The following NAA11 variants were observed in gnomAD, a reference collection of about 807,000 sequenced individuals.
NAA11 encodes the protein N-alpha-acetyltransferase 11, NatA catalytic subunit.
In NAA11, 15 loss-of-function variants were observed where a neutral mutation model predicts 16.1. The ratio of observed to expected loss-of-function variants is 0.93; its 90% CI spans 0.62 to 1.44. The LOEUF is 1.44. Among genes scored for constraint, NAA11 ranks in the 40% most tolerant of loss-of-function variants. The pLI is 0.00. For missense variants in NAA11, 298 were observed against 291.3 expected, an observed-to-expected ratio of 1.02 and a Z score of -0.17; for synonymous variants, 122 against 112.4, an observed-to-expected ratio of 1.09 and a Z score of -0.54.
rs145318289 is a variant in NAA11, at chr4:79,291,427, T to C, written c.*122+2578A>G. Among the ~76,000 whole-genome samples the C allele has an allele frequency of 3.2e-3, 488 of 152,106 alleles. 3 individuals carry two copies. The highest frequency in any genetic ancestry group is 0.011 in the African/African-American group (447 of 41,468). On this transcript the variant is annotated intron_variant and NMD_transcript_variant, in intron 2 of 2. Coordinates refer to the NAA11 transcript ENST00000511542. ...GAAGTGAACTATGATGGTGCCTGTC[T>C]ACTCCAGCGTGAGCAAAAGAGTGAG...
At chr4:79,285,603 TG>T (rs1722888468) in intron 2 of NAA11, among the ~76,000 whole-genome samples, 1 of 151,996 alleles carries the variant, frequency 6.6e-6, no homozygotes, top group South Asian at 2.1e-4. Context: ...TGAAGTAGAA[TG>T]TTTTATCATA....
the NAA11 span, among the ~76,000 whole-genome samples, chr4:79,162,102 TTTTC>T: frequency 1.9e-4 from 29 of 152,244 alleles, no homozygotes; most frequent in Non-Finnish European, 2.9e-5. Flanking sequence ...AGTGGAATTA[TTTTC>T]TTTATTTTAT....
the NAA11 span, among the ~76,000 whole-genome samples, chr4:79,195,591 CCT>C: frequency 1.3e-5 from 2 of 151,852 alleles, no homozygotes; most frequent in Non-Finnish European, 2.9e-5. Context: ...AAAAAACTGC[CCT>C]CTCTCATTAT....
At chr4:79,186,812 C>G in the NAA11 span, among the ~76,000 whole-genome samples, 24 of 152,136 alleles carry the variant, frequency 1.6e-4, no homozygotes, top group Non-Finnish European at 2.9e-4. Context: ...CTGAAATTAT[C>G]TGGAATGTAC....
the NAA11 span, among the ~76,000 whole-genome samples, chr4:79,178,434 A>G: frequency 6.6e-6 from 1 of 152,236 alleles, no homozygotes; most frequent in Non-Finnish European, 1.5e-5. Context: ...CTAATTTGAT[A>G]CAAGTCCTAG....
At chr4:79,192,696 A>G in the NAA11 span, among the ~76,000 whole-genome samples, 1 of 152,004 alleles carries the variant, frequency 6.6e-6, no homozygotes, top group Non-Finnish European at 1.5e-5. Context: ...ATACGTGTGC[A>G]TGTGTCTTTA....
intron 2 of NAA11, among the ~76,000 whole-genome samples, chr4:79,241,206 A>T (rs546072182): frequency 6.6e-6 from 1 of 152,250 alleles, no homozygotes; most frequent in Non-Finnish European, 1.5e-5. Flanking sequence ...AGACTTCATG[A>T]TTCACTTTCG....
At chr4:79,192,131 G>A in the NAA11 span, among the ~76,000 whole-genome samples, 25 of 152,058 alleles carry the variant, frequency 1.6e-4, no homozygotes, top group Non-Finnish European at 2.9e-4. Context: ...CTCCAGCTTC[G>A]TTCTTTTTGC....
At chr4:79,265,063 C>T (rs750021933) in intron 2 of NAA11, among the ~76,000 whole-genome samples, 96 of 152,124 alleles carry the variant, frequency 6.3e-4, no homozygotes, top group Non-Finnish European at 1.1e-3. Flanking sequence ...TACAATTTTC[C>T]CTATCTCAAT....
chr4:79,272,064 T>C (rs1006013080), intron 2 of NAA11, among the ~76,000 whole-genome samples: 2 of 151,716 alleles, frequency 1.3e-5, no homozygotes, highest in African/African-American at 4.8e-5. Context: ...GATACACACA[T>C]ACATATACAA....
At chr4:79,298,419 C>T (rs1020720156) in intron 1 of NAA11, among the ~76,000 whole-genome samples, 2 of 152,176 alleles carry the variant, frequency 1.3e-5, no homozygotes, top group Admixed American at 6.5e-5. Flanking sequence ...CCTAGGAGTT[C>T]CCCAAGCCAG....
At chr4:79,231,459 C>T (rs1488320736) in intron 2 of NAA11, among the ~76,000 whole-genome samples, 1 of 151,906 alleles carries the variant, frequency 6.6e-6, no homozygotes, top group Non-Finnish European at 1.5e-5. Flanking sequence ...ACAACAAAAT[C>T]CTGTGTCAAT....
downstream of NAA11, among the ~76,000 whole-genome samples, chr4:79,315,161 G>A (rs1228124185): frequency 6.6e-6 from 1 of 151,082 alleles, no homozygotes; most frequent in Non-Finnish European, 1.5e-5. Flanking sequence ...GAACTAGTTA[G>A]AAATGCAGAT....
At chr4:79,176,277 A>G in the NAA11 span, among the ~76,000 whole-genome samples, 4 of 152,218 alleles carry the variant, frequency 2.6e-5, no homozygotes, top group Non-Finnish European at 5.9e-5. Flanking sequence ...GATCTAAAAT[A>G]GAGGTTAATA....
At chr4:79,266,670 C>T (rs374338165) in intron 2 of NAA11, among the ~76,000 whole-genome samples, 5 of 152,166 alleles carry the variant, frequency 3.3e-5, no homozygotes, top group African/African-American at 4.8e-5. Context: ...TTTTATAAAA[C>T]GTATTCTTCC....
chr4:79,184,664 A>C, the NAA11 span, among the ~76,000 whole-genome samples: 1 of 152,292 alleles, frequency 6.6e-6, no homozygotes, highest in East Asian at 1.9e-4. Context: ...GCAGAGTGGA[A>C]TCTTGGAAGA....
chr4:79,225,703 C>A (rs556089692), exon 3 of NAA11: 1 of 152,200 alleles, frequency 6.6e-6, no homozygotes, highest in South Asian at 2.1e-4. Context: ...AAAGGGAAGT[C>A]TTCTTTTCCT....
the NAA11 span, among the ~76,000 whole-genome samples, chr4:79,209,551 C>T: frequency 6.6e-6 from 1 of 152,036 alleles, no homozygotes; most frequent in African/African-American, 2.4e-5. Flanking sequence ...AAGTATTCAG[C>T]TTACTGTTGT....
chr4:79,243,459 G>T (rs1007887313), intron 2 of NAA11, among the ~76,000 whole-genome samples: 38 of 152,140 alleles, frequency 2.5e-4, no homozygotes, highest in Admixed American at 2.4e-3. Flanking sequence ...AAATTATCTC[G>T]TTCATTTTTT....
Sources: gnomAD v4.1 joint callset for allele counts (sites outside exome capture counted in the v4.1 genomes callset) on GRCh38, gnomAD v4.1.1 for gene constraint, MANE v1.5 for transcripts, NCBI Gene and HGNC (gene_info 2026-07-23, HGNC 2026-07-21) for gene names.